The following RBM26 variants were observed in gnomAD, a reference collection of about 807,000 sequenced individuals.
RBM26 encodes RNA-binding protein 26.
A neutral mutation model predicts 123.6 loss-of-function variants in RBM26; 30 were observed. That is an observed-to-expected ratio of 0.24 (90% CI 0.18 to 0.33). The LOEUF is 0.33. Ranked by LOEUF, RBM26 falls within the 10% of genes least tolerant of loss-of-function variation. The pLI, the probability that RBM26 is intolerant of heterozygous loss-of-function variation, is 1.00. For synonymous variants in RBM26, 400 were observed against 404.4 expected, an observed-to-expected ratio of 0.99 and a Z score of 0.13; for missense variants, 947 against 1,203.6, an observed-to-expected ratio of 0.79 and a Z score of 3.15.
intron 18 of RBM26, among the ~76,000 whole-genome samples, chr13:79,338,794 C>G (rs2139010923): frequency 6.6e-6 from 1 of 152,246 alleles, no homozygotes; most frequent in South Asian, 2.1e-4. Flanking sequence ...AGAAGGAAGT[C>G]TGGACTACAG....
At chr13:79,342,985 G>A (rs190303579) in intron 16 of RBM26, among the ~76,000 whole-genome samples, 154 bp from the exon 17 acceptor site, 10 of 128,574 alleles carry the variant, frequency 7.8e-5, no homozygotes, top group African/African-American at 2.3e-4. Flanking sequence ...TCTAAAGATC[G>A]CAGAATAGCA....
intron 20 of RBM26, among the ~76,000 whole-genome samples, chr13:79,324,853 AAATAGCTAGTC>A (rs1398997376): frequency 6.6e-6 from 1 of 151,994 alleles, no homozygotes; most frequent in African/African-American, 2.4e-5. Flanking sequence ...TCTTTTTTCC[AAATAGCTAGTC>A]AATTGCCCCA....
chr13:79,391,694 G>C (rs2078007504), intron 1 of RBM26, among the ~76,000 whole-genome samples: 1 of 152,032 alleles, frequency 6.6e-6, no homozygotes, highest in Non-Finnish European at 1.5e-5. Flanking sequence ...AAAGTGCTGG[G>C]ATTACAGGCG....
chr13:79,328,897 C>T (rs1329448299), intron 20 of RBM26, among the ~76,000 whole-genome samples: 1 of 150,942 alleles, frequency 6.6e-6, no homozygotes, highest in African/African-American at 2.4e-5. Context: ...TACCCCACTC[C>T]GATAAAAATG....
At chr13:79,369,659 T>C (rs1347593767) in intron 5 of RBM26, among the ~76,000 whole-genome samples, 1 of 152,214 alleles carries the variant, frequency 6.6e-6, no homozygotes, top group Non-Finnish European at 1.5e-5. Flanking sequence ...TACTGAAAAG[T>C]GTTTTAGGTG....
Position 79,355,372 on chromosome 13 carries a change from C to G in RBM26, c.1702G>C (p.Gly568Arg), listed in dbSNP as rs748231139. ...TLVNLQVAYN[G>R]DPEGALIQFA... is the part of the protein sequence containing the mutation. ...TGGATTAGGGCACCTTCAGGATCAC[C>G]ATTATAAGCAACCTAAGATTTAAAA... Residue 568 changes from glycine to arginine, a missense_variant, in exon 12 of 22, where the codon GGT (glycine) becomes CGT (arginine). Gly to Arg is a moderately radical substitution (Grantham distance 125, BLOSUM62 -2). This residue lies in a region of RBM26 where 493 missense variants were observed against 563.1 expected (regional missense o/e 0.88). Transcript: ENST00000438737. The G allele has an allele frequency of 6.2e-7, 1 of 1,612,764 alleles. No homozygotes were observed. The highest frequency in any genetic ancestry group is 8.5e-7 in the Non-Finnish European group (1 of 1,179,342).
chr13:79,346,192 C>T (rs1339734928), intron 14 of RBM26, among the ~76,000 whole-genome samples: 2 of 152,182 alleles, frequency 1.3e-5, no homozygotes, highest in Admixed American at 6.5e-5. Flanking sequence ...CTGAAGACTA[C>T]TTTCTAATCT....
At chr13:79,374,900 A>G (rs1453178944) in intron 3 of RBM26, among the ~76,000 whole-genome samples, 3 of 151,654 alleles carry the variant, frequency 2.0e-5, no homozygotes, top group South Asian at 2.1e-4. Flanking sequence ...TATTACATCA[A>G]TAGATAATAA....
At position 79,344,563 on chromosome 13, in the gene RBM26, CA is replaced by C; in HGVS notation, c.2184+105del. On this transcript the variant is annotated intron_variant, in intron 15 of 21. Coordinates refer to ENST00000438737, the MANE Select transcript of RBM26 (RefSeq NM_001366735.2). ...AAAATAAACGTTCAGTGGCAGCCAACAAACACCCTTGTAGTCTTATTTTGCA... is the reference window on the plus strand; with the variant it reads ...AAAATAAACGTTCAGTGGCAGCCAACAACACCCTTGTAGTCTTATTTTGCA... 3 of 1,074,044 alleles carry C rather than the reference CA, an allele frequency of 2.8e-6. No homozygotes were observed. The East Asian group carries it at 7.4e-5, about 26-fold the overall frequency. 66.5% of individuals were successfully genotyped at this position (1,074,044 alleles called of 1,614,324 possible). A position where few individuals can be genotyped will look rare whatever the true frequency, so the allele number is the denominator to read the frequency against.
At chr13:79,401,971 A>C (rs1202952148) in intron 1 of RBM26, among the ~76,000 whole-genome samples, 1 of 151,980 alleles carries the variant, frequency 6.6e-6, no homozygotes, top group Non-Finnish European at 1.5e-5. Flanking sequence ...CCTGCCCCTC[A>C]ATTTTATTTT....
chr13:79,332,820 A>G (rs1453806771), intron 20 of RBM26, among the ~76,000 whole-genome samples: 1 of 152,192 alleles, frequency 6.6e-6, no homozygotes, highest in Non-Finnish European at 1.5e-5. Context: ...GAAAGAAGGT[A>G]CGTGTCAAAA....
chr13:79,385,021 TGGGAATTAA>T (rs2077368043), intron 1 of RBM26, among the ~76,000 whole-genome samples: 1 of 152,176 alleles, frequency 6.6e-6, no homozygotes, highest in Non-Finnish European at 1.5e-5. Flanking sequence ...GAGGTGGTAG[TGGGAATTAA>T]AAATTAAATT....
At chr13:79,369,380 A>C (rs554471003) in intron 5 of RBM26, among the ~76,000 whole-genome samples, 429 of 4,670 alleles carry the variant, frequency 0.092, 11 homozygotes, top group Admixed American at 0.43. Context: ...AGTTACTACA[A>C]TGGCTGTTAT....
At chr13:79,384,460 T>C (rs1302893733) in intron 1 of RBM26, among the ~76,000 whole-genome samples, 4 of 152,094 alleles carry the variant, frequency 2.6e-5, no homozygotes, top group African/African-American at 9.7e-5. Flanking sequence ...TCTTGCTCTG[T>C]TGACCAGGCT....
chr13:79,377,245 T>G, intron 3 of RBM26, 134 bp downstream of exon 3: 1 of 675,656 alleles, frequency 1.5e-6, no homozygotes, highest in Non-Finnish European at 2.5e-6. Context: ...GTCCTATGAG[T>G]CCTCCTAGAA....
chr13:79,377,869 CTGCACTCAAGATCACGCCAT>C (rs1198071307), intron 2 of RBM26, among the ~76,000 whole-genome samples: 4 of 151,944 alleles, frequency 2.6e-5, no homozygotes, highest in Non-Finnish European at 5.9e-5. Flanking sequence ...GATCGCGCCA[CTGCACTCAAGATCACGCCAT>C]TGCACTCCCG....
chr13:79,319,809 TTAAGAA>T lies in RBM26; in HGVS notation c.*806_*811del, dbSNP rs1566273586. ...GTAAGGGTACCAGTAACCATTATTA[TTAAGAA>T]TAAGTTAGTGATTATAGCTCCTTTT... On this transcript the variant is annotated 3_prime_UTR_variant, in exon 22 of 22. Coordinates refer to ENST00000438737, the MANE Select transcript of RBM26 (RefSeq NM_001366735.2). 6.1e-6 allele frequency: 6 copies of T among 979,024 alleles called. No homozygotes were observed. Among genetic ancestry groups the T allele is most frequent in the Non-Finnish European group, 2.4e-6 (2 of 824,480 alleles). 60.6% of individuals were successfully genotyped at this position (979,024 alleles called of 1,614,324 possible). A position where few individuals can be genotyped will look rare whatever the true frequency, so the allele number is the denominator to read the frequency against.
chr13:79,387,331 T>C (rs972452463), intron 1 of RBM26, among the ~76,000 whole-genome samples: 6 of 152,126 alleles, frequency 3.9e-5, no homozygotes, highest in African/African-American at 1.4e-4. Context: ...AAATATACTT[T>C]AGTTAAATTC....
chr13:79,398,863 C>T (rs2078820094), intron 1 of RBM26, among the ~76,000 whole-genome samples: 1 of 152,146 alleles, frequency 6.6e-6, no homozygotes, highest in Non-Finnish European at 1.5e-5. Context: ...AAATTATTGC[C>T]TCTTCCCTTG....
Sources: gnomAD v4.1 joint callset for allele counts (sites outside exome capture counted in the v4.1 genomes callset) on GRCh38, gnomAD v4.1.1 for gene constraint, gnomAD v4.1.1 regional missense constraint, MANE v1.5 for transcripts, NCBI Gene and HGNC (gene_info 2026-07-23, HGNC 2026-07-21) for gene names.